The following ATP6V1H variants were observed in gnomAD, a reference collection of about 807,000 sequenced individuals.
The protein encoded by ATP6V1H is ATPase H+ transporting V1 subunit H, also known as V-type proton ATPase subunit H.
ATP6V1H carries 39 observed loss-of-function variants against 71.7 expected under a neutral mutation model. The observed-to-expected ratio is 0.54, with a 90% CI of 0.42 to 0.71. The LOEUF is 0.71. Ranked by LOEUF, ATP6V1H falls within the 30% of genes least tolerant of loss-of-function variation. The pLI, the probability that ATP6V1H is intolerant of heterozygous loss-of-function variation, is 0.00. For missense variants in ATP6V1H, 509 were observed against 594.9 expected, an observed-to-expected ratio of 0.86 and a Z score of 1.50; for synonymous variants, 192 against 199.3, an observed-to-expected ratio of 0.96 and a Z score of 0.31.
intron 9 of ATP6V1H, among the ~76,000 whole-genome samples, chr8:53,785,539 G>C (rs1012200790): frequency 6.6e-6 from 1 of 152,086 alleles, no homozygotes; most frequent in African/African-American, 2.4e-5. Context: ...CTCTCAACTC[G>C]TCAAAGTAAT....
chr8:53,772,855 T>TA (rs373768412), intron 9 of ATP6V1H, among the ~76,000 whole-genome samples: 12 of 72,348 alleles, frequency 1.7e-4, no homozygotes, highest in African/African-American at 3.2e-4. Context: ...ACCTCTGTTT[T>TA]AAAAAAAAGC....
chr8:53,772,240 C>G, intron 9 of ATP6V1H, 73 bp from the exon 10 acceptor site: 2 of 1,155,824 alleles, frequency 1.7e-6, no homozygotes, highest in South Asian at 1.5e-5. Context: ...TCTGCACATT[C>G]TTTTATAGTC....
chr8:53,815,530 A>T (rs1264452020), intron 5 of ATP6V1H, among the ~76,000 whole-genome samples: 1 of 152,200 alleles, frequency 6.6e-6, no homozygotes, highest in Non-Finnish European at 1.5e-5. Context: ...GAATACAGCA[A>T]ACCAGTCTGA....
At chr8:53,762,691 G>C (rs985244914) in intron 11 of ATP6V1H, among the ~76,000 whole-genome samples, 11 of 151,936 alleles carry the variant, frequency 7.2e-5, no homozygotes, top group African/African-American at 2.7e-4. Context: ...TCTAACCAGG[G>C]CAACTGGGCA....
intron 13 of ATP6V1H, among the ~76,000 whole-genome samples, chr8:53,721,513 C>T (rs909300601): frequency 6.6e-6 from 1 of 152,158 alleles, no homozygotes; most frequent in Admixed American, 6.5e-5. Flanking sequence ...GCTTGACATA[C>T]ATTTTCTTAT....
intron 6 of ATP6V1H, among the ~76,000 whole-genome samples, chr8:53,812,988 C>G (rs529428340): frequency 2.0e-5 from 3 of 152,276 alleles, no homozygotes; most frequent in East Asian, 1.9e-4. Context: ...AGCCACCACA[C>G]CAGGCCTGGA....
intron 7 of ATP6V1H, among the ~76,000 whole-genome samples, chr8:53,805,161 A>G (rs1810040538): frequency 1.3e-5 from 2 of 152,242 alleles, no homozygotes; most frequent in African/African-American, 4.8e-5. Context: ...TTAAGTGCAA[A>G]CTAAGTGAAA....
intron 5 of ATP6V1H, 74 bp downstream of exon 5, chr8:53,817,343 G>T (rs1223080215): frequency 2.9e-6 from 3 of 1,020,458 alleles, no homozygotes; most frequent in Non-Finnish European, 4.3e-6. Context: ...TTCAAGACCA[G>T]CCTGGACAAC....
Position 53,743,707 on chromosome 8 carries a change from C to T in ATP6V1H, c.1278-17G>A, listed in dbSNP as rs373559117. 42 of 1,575,014 alleles carry T rather than the reference C, an allele frequency of 2.7e-5. No individual in the cohort carries two copies. Among genetic ancestry groups the T allele is most frequent in the South Asian group, 5.6e-5 (5 of 88,604 alleles). On this transcript the variant is annotated splice_polypyrimidine_tract_variant and intron_variant, in intron 12 of 13. Coordinates refer to ENST00000359530, the MANE Select transcript of ATP6V1H (RefSeq NM_015941.4). ...TCGATGACCCTGCAAACGGGAGAGA[C>T]GTGGTGAGGAAGATGCAATTACTCT...
intron 11 of ATP6V1H, among the ~76,000 whole-genome samples, chr8:53,763,950 T>C (rs959263967): frequency 1.3e-5 from 2 of 152,224 alleles, no homozygotes; most frequent in African/African-American, 4.8e-5. Context: ...TCCAGTCTTA[T>C]GGAAGTTAGG....
intron 8 of ATP6V1H, among the ~76,000 whole-genome samples, chr8:53,798,248 A>G (rs1165740545): frequency 6.6e-6 from 1 of 152,162 alleles, no homozygotes; most frequent in Non-Finnish European, 1.5e-5. Flanking sequence ...GTTATCGGCC[A>G]GGCAAGGTGG....
intron 2 of ATP6V1H, among the ~76,000 whole-genome samples, chr8:53,834,798 T>C (rs1336323026): frequency 6.6e-6 from 1 of 151,812 alleles, no homozygotes; most frequent in African/African-American, 2.4e-5. Context: ...GAGGAATTGG[T>C]GTTCTCAAAA....
At chr8:53,779,861 T>C (rs990344273) in intron 9 of ATP6V1H, among the ~76,000 whole-genome samples, 1 of 152,144 alleles carries the variant, frequency 6.6e-6, no homozygotes, top group African/African-American at 2.4e-5. Context: ...TTAAACTCCA[T>C]CTTTAAGATA....
intron 6 of ATP6V1H, among the ~76,000 whole-genome samples, chr8:53,811,437 G>T (rs1034187327): frequency 1.1e-4 from 16 of 152,130 alleles, no homozygotes; most frequent in African/African-American, 3.9e-4. Context: ...TCAGTAAGTA[G>T]CTAAAAATGG....
intron 11 of ATP6V1H, among the ~76,000 whole-genome samples, chr8:53,766,174 C>T (rs1161809456): frequency 6.6e-6 from 1 of 152,208 alleles, no homozygotes. Context: ...GAAGCCATGG[C>T]AGAAGAACGT....
At chr8:53,831,597 T>C (rs1220137441) in intron 3 of ATP6V1H, among the ~76,000 whole-genome samples, 1 of 152,216 alleles carries the variant, frequency 6.6e-6, no homozygotes, top group Non-Finnish European at 1.5e-5. Flanking sequence ...AAAAGATGAA[T>C]GGCTAGACCC....
At chr8:53,769,847 A>T (rs1410740562) in intron 10 of ATP6V1H, 104 bp from the exon 11 acceptor site, 1 of 1,011,544 alleles carries the variant, frequency 9.9e-7, no homozygotes, top group Non-Finnish European at 1.4e-6. Context: ...ACAAAGACTG[A>T]CCATCCTTTG....
intron 4 of ATP6V1H, among the ~76,000 whole-genome samples, chr8:53,823,101 A>G (rs1810712369): frequency 6.6e-6 from 1 of 152,188 alleles, no homozygotes; most frequent in Non-Finnish European, 1.5e-5. Flanking sequence ...CAAAAAGTAA[A>G]GGTATAGAAA....
chr8:53,750,367 T>C (rs1446196866), intron 12 of ATP6V1H, among the ~76,000 whole-genome samples: 2 of 152,088 alleles, frequency 1.3e-5, no homozygotes, highest in Non-Finnish European at 2.9e-5. Flanking sequence ...AAAAACCTGA[T>C]AGTGATCAAA....
Sources: gnomAD v4.1 joint callset for allele counts (sites outside exome capture counted in the v4.1 genomes callset) on GRCh38, gnomAD v4.1.1 for gene constraint, MANE v1.5 for transcripts, NCBI Gene and HGNC (gene_info 2026-07-23, HGNC 2026-07-21) for gene names.